KIRREL1: variants seen among roughly 807,000 people sequenced by gnomAD.
The protein encoded by KIRREL1 is kirre like nephrin family adhesion molecule 1.
In KIRREL1, 25 loss-of-function variants were observed where a neutral mutation model predicts 83.3. That is an observed-to-expected ratio of 0.30 (90% CI 0.22 to 0.42). The LOEUF is 0.42. KIRREL1 is among the 10% of genes least tolerant of loss of function. The pLI is 1.00. For synonymous variants in KIRREL1, 388 were observed against 410.4 expected, an observed-to-expected ratio of 0.95 and a Z score of 0.66; for missense variants, 812 against 1,032.3, an observed-to-expected ratio of 0.79 and a Z score of 2.92.
chr1:158,095,387 G>T lies in KIRREL1; in HGVS notation c.*267G>T. The T allele has an allele frequency of 2.5e-6, 1 of 392,620 alleles. No homozygotes were observed. The highest frequency in any genetic ancestry group is 4.5e-6 in the Non-Finnish European group (1 of 219,944). 24.3% of individuals were successfully genotyped at this position (392,620 alleles called of 1,614,324 possible). On this transcript the variant is annotated 3_prime_UTR_variant, in exon 15 of 15. Transcript: ENST00000359209. ...GCACTCTTGCCTGACCCTAGAATGG[G>T]GACAGGGAAAGTGAAGGTTAGGGAA...
chr1:158,035,291 A>G (rs1422909324), intron 1 of KIRREL1, among the ~76,000 whole-genome samples: 1 of 152,208 alleles, frequency 6.6e-6, no homozygotes, highest in Non-Finnish European at 1.5e-5. Context: ...GTAGTAGAGA[A>G]GTGAGGTCCA....
chr1:158,080,122 C>G (rs1262914850), intron 3 of KIRREL1, among the ~76,000 whole-genome samples: 1 of 152,130 alleles, frequency 6.6e-6, no homozygotes, highest in South Asian at 2.1e-4. Context: ...CCATGCTCAA[C>G]CAAGTATTCC....
intron 1 of KIRREL1, among the ~76,000 whole-genome samples, chr1:158,044,047 T>C (rs2101583290): frequency 6.6e-6 from 1 of 152,304 alleles, no homozygotes; most frequent in Middle Eastern, 3.4e-3. Flanking sequence ...GTTTTGGACA[T>C]TCATTCATTC....
intron 1 of KIRREL1, among the ~76,000 whole-genome samples, chr1:158,036,744 A>G (rs2101681156): frequency 2.0e-5 from 3 of 152,308 alleles, no homozygotes; most frequent in Middle Eastern, 6.8e-3. Context: ...GCTGGATTAT[A>G]CCTGAGGCCT....
intron 1 of KIRREL1, among the ~76,000 whole-genome samples, chr1:158,031,457 C>T (rs1660325042): frequency 1.3e-5 from 2 of 152,166 alleles, no homozygotes; most frequent in African/African-American, 2.4e-5. Flanking sequence ...TCTCAGGTGC[C>T]CTCTAGGCTC....
intron 1 of KIRREL1, among the ~76,000 whole-genome samples, chr1:158,056,056 G>A (rs532764200): frequency 1.4e-4 from 22 of 152,298 alleles, no homozygotes; most frequent in African/African-American, 5.3e-4. Flanking sequence ...TCTGCAGTGA[G>A]GACAGGATGC....
intron 1 of KIRREL1, among the ~76,000 whole-genome samples, chr1:158,045,353 G>C (rs1481631482): frequency 1.3e-5 from 2 of 152,228 alleles, no homozygotes; most frequent in Non-Finnish European, 2.9e-5. Context: ...TCAGATGTCA[G>C]CTTCAAATTT....
intron 1 of KIRREL1, among the ~76,000 whole-genome samples, chr1:158,020,600 C>CATAAA (rs1659978208): frequency 1.2e-5 from 1 of 83,678 alleles, no homozygotes; most frequent in African/African-American, 4.7e-5. Context: ...TACAGTAAAT[C>CATAAA]AAAAAAAAAA....
intron 1 of KIRREL1, among the ~76,000 whole-genome samples, chr1:158,003,582 A>C (rs571707343): frequency 6.6e-6 from 1 of 151,980 alleles, no homozygotes; most frequent in East Asian, 1.9e-4. Flanking sequence ...CCACACACAC[A>C]CACTCGTGGC....
At chr1:158,064,493 T>G (rs4971191) in intron 1 of KIRREL1, among the ~76,000 whole-genome samples, 134,955 of 152,244 alleles carry the variant, frequency 0.89, 59,899 homozygotes, top group East Asian at 1. Context: ...TAAATAGAAT[T>G]CTAAAGCATC....
chr1:158,042,128 CAA>C (rs937214510), intron 1 of KIRREL1, among the ~76,000 whole-genome samples: 2 of 151,904 alleles, frequency 1.3e-5, no homozygotes, highest in African/African-American at 4.8e-5. Context: ...GAGGGAGGGA[CAA>C]GAGAGGAAGA....
chr1:158,050,737 C>T (rs1660890535), intron 1 of KIRREL1, among the ~76,000 whole-genome samples: 2 of 151,984 alleles, frequency 1.3e-5, no homozygotes, highest in South Asian at 4.2e-4. Flanking sequence ...TACTACTGAC[C>T]AGCTGTGTGA....
intron 1 of KIRREL1, among the ~76,000 whole-genome samples, chr1:158,002,319 G>A (rs958883624): frequency 7.9e-5 from 12 of 152,196 alleles, no homozygotes; most frequent in African/African-American, 2.9e-4. Context: ...CAGAGTCAAG[G>A]GGAGCCATCT....
At chr1:158,039,767 C>T (rs1048039261) in intron 1 of KIRREL1, among the ~76,000 whole-genome samples, 1 of 152,174 alleles carries the variant, frequency 6.6e-6, no homozygotes, top group Non-Finnish European at 1.5e-5. Flanking sequence ...ATTTCTAGGT[C>T]TTCTTTCCAA....
chr1:158,082,906 A>G (rs2101632798), intron 3 of KIRREL1, among the ~76,000 whole-genome samples: 1 of 152,318 alleles, frequency 6.6e-6, no homozygotes, highest in South Asian at 2.1e-4. Context: ...TTCCTTTCTC[A>G]TTTATGGTTG....
chr1:158,002,750 C>T (rs1659401474), intron 1 of KIRREL1, among the ~76,000 whole-genome samples: 1 of 151,966 alleles, frequency 6.6e-6, no homozygotes, highest in Admixed American at 6.6e-5. Flanking sequence ...GAGCAGGGAG[C>T]AGGGGCAGGG....
chr1:158,046,099 T>C (rs1315904007), intron 1 of KIRREL1, among the ~76,000 whole-genome samples: 2 of 152,114 alleles, frequency 1.3e-5, no homozygotes, highest in African/African-American at 4.8e-5. Context: ...CAAGAATAGA[T>C]GGTGTGAAGG....
intron 2 of KIRREL1, among the ~76,000 whole-genome samples, chr1:158,076,734 C>T (rs1218881040): frequency 6.6e-6 from 1 of 152,272 alleles, no homozygotes; most frequent in Non-Finnish European, 1.5e-5. Context: ...AGGCCAAAAA[C>T]TCATTTTAAT....
In KIRREL1 at chr1:158,094,585, G is replaced by A. The variant is rs920187765; in HGVS notation, c.1798-59G>A. 5 of 1,430,794 alleles carry A rather than the reference G, an allele frequency of 3.5e-6. No homozygotes were observed. The Admixed American group carries it at 7.0e-5, about 20-fold the overall frequency. 88.6% of individuals were successfully genotyped at this position (1,430,794 alleles called of 1,614,324 possible). A position where few individuals can be genotyped will look rare whatever the true frequency, so the allele number is the denominator to read the frequency against. ...GAAGAGGCCCAGAAAGCCATGGTGA[G>A]ACTTGATCCCCACCCAAGAGGGAAC... is the stretch of plus-strand genomic sequence containing the variant. On this transcript the variant is annotated intron_variant, in intron 14 of 14. Coordinates refer to ENST00000359209, the MANE Select transcript of KIRREL1 (RefSeq NM_018240.7). This position sits in a 1 kb window ranked among gnomAD's most constrained non-coding sequence, Gnocchi z 4.6.
Sources: gnomAD v4.1 joint callset for allele counts (sites outside exome capture counted in the v4.1 genomes callset) on GRCh38, gnomAD v4.1.1 for gene constraint, Gnocchi (gnomAD v3.1) non-coding constraint, MANE v1.5 for transcripts, NCBI Gene and HGNC (gene_info 2026-07-23, HGNC 2026-07-21) for gene names.